The following SACS variants were observed in gnomAD, a reference collection of about 807,000 sequenced individuals.
SACS encodes sacsin.
Under a neutral mutation model 348.0 loss-of-function variants are expected in SACS, and 197 were observed. That is an observed-to-expected ratio of 0.57 (90% CI 0.50 to 0.64). The LOEUF (loss-of-function observed/expected upper bound fraction) is 0.64. Ranked by LOEUF, SACS falls within the 30% of genes least tolerant of loss-of-function variation. The pLI is 0.00. For missense variants in SACS, 4,999 were observed against 5,360.8 expected (o/e 0.93, Z 2.11); for synonymous variants, 1,985 against 1,910.6 (o/e 1.04, Z -1.02).
Position 23,339,310 on chromosome 13 carries a change from C to A in SACS, c.4566G>T (p.Leu1522Phe), listed in dbSNP as rs756798709. The change falls in exon 10 of 10, where the codon TTG (leucine) becomes TTT (phenylalanine). Residue 1522 changes from leucine (L) to phenylalanine (F), a missense_variant. Physicochemically the swap from Leu to Phe is conservative, Grantham distance 22. Coordinates refer to ENST00000382292, the MANE Select transcript of SACS (RefSeq NM_014363.6). ...PGMAACHGPA[L>F]WSFNNSQFSD... The stretch of plus-strand genomic sequence containing the variant: ...AGAATTGAGAATTGTTGAATGACCA[C>A]AAAGCAGGTCCATGACAAGCTGCCA... The A allele has an allele frequency of 1.9e-6, 3 of 1,611,354 alleles. No individual in the cohort carries two copies. Among genetic ancestry groups the A allele is most frequent in the Non-Finnish European group, 2.5e-6 (3 of 1,178,900 alleles).
intron 1 of SACS, among the ~76,000 whole-genome samples, chr13:23,422,040 TTATCTAAG>T (rs1873970211): frequency 6.6e-6 from 1 of 152,182 alleles, no homozygotes; most frequent in Non-Finnish European, 1.5e-5. Context: ...CTATGGTGTA[TTATCTAAG>T]TATCTAAGTA....
intron 2 of SACS, among the ~76,000 whole-genome samples, chr13:23,408,980 T>C (rs1040213123): frequency 6.8e-6 from 1 of 147,888 alleles, no homozygotes; most frequent in Non-Finnish European, 1.5e-5. Context: ...TAAAAAAGAA[T>C]TGTTTTTCCC....
Position 23,338,896 on chromosome 13 carries a change from A to G in SACS, c.4980T>C (p.Ser1660=), listed in dbSNP as rs1868923331. The G allele has an allele frequency of 1.2e-6, 2 of 1,613,262 alleles. No individual in the cohort carries two copies. Among genetic ancestry groups the G allele is most frequent in the African/African-American group, 1.3e-5 (1 of 75,034 alleles). Residue 1660 remains serine (S), a synonymous_variant, in exon 10 of 10, where the codon AGT becomes AGC. Coordinates refer to ENST00000382292, the MANE Select transcript of SACS (RefSeq NM_014363.6). ...TQQEAKVSEV[S]STCYNTADIY... ...TATCTGCTGTATTGTAGCACGTACT[A>G]CTAACTTCACTCACTTTTGCTTCCT...
intron 2 of SACS, among the ~76,000 whole-genome samples, chr13:23,407,726 C>T (rs912870660): frequency 5.3e-5 from 8 of 152,270 alleles, no homozygotes; most frequent in African/African-American, 1.9e-4. Flanking sequence ...CAGGCTCCCC[C>T]ACGCCCTCTT....
chr13:23,373,364 G>C (rs2709234), intron 3 of SACS: 134,159 of 152,614 alleles, frequency 0.88, 59,037 homozygotes, highest in East Asian at 1. Context: ...AGCACCCGGT[G>C]CAGCAGCACA....
At chr13:23,349,092 C>A (rs916996586) in intron 9 of SACS, among the ~76,000 whole-genome samples, 1 of 152,226 alleles carries the variant, frequency 6.6e-6, no homozygotes, top group Non-Finnish European at 1.5e-5. Flanking sequence ...CTGATAGATT[C>A]AATGTCCACT....
In SACS at chr13:23,334,365, G is replaced by A. The variant is rs1308109181; in HGVS notation, c.9511C>T (p.Pro3171Ser). The change falls in exon 10 of 10, where the codon CCC (proline) becomes TCC (serine). Residue 3171 changes from proline (P) to serine (S), a missense_variant. This residue lies in a region of SACS where 734 missense variants were observed against 694.0 expected (regional missense o/e 1.06). Coordinates refer to ENST00000382292, the MANE Select transcript of SACS (RefSeq NM_014363.6). Reference protein sequence around the residue: ...SVLQTFDAKRPKFLTTYHELI... With the variant: ...SVLQTFDAKRSKFLTTYHELI... The stretch of plus-strand genomic sequence containing the variant: ...TCATGATATGTTGTTAGAAACTTGG[G>A]TCGTTTTGCATCAAAAGTTTGCAAA... 6.2e-7 allele frequency: 1 copy of A among 1,612,392 alleles called. No individual in the cohort carries two copies. The highest frequency in any genetic ancestry group is 1.1e-5 in the South Asian group (1 of 90,838).
At chr13:23,415,420 T>C (rs977571424) in intron 1 of SACS, among the ~76,000 whole-genome samples, 3 of 152,188 alleles carry the variant, frequency 2.0e-5, no homozygotes, top group African/African-American at 7.2e-5. Flanking sequence ...TCCTGGAAAC[T>C]TAGAACGTTT....
At chr13:23,388,664 G>GTT (rs1397859430) in intron 2 of SACS, among the ~76,000 whole-genome samples, 2 of 139,934 alleles carry the variant, frequency 1.4e-5, no homozygotes, top group East Asian at 4.6e-4. Flanking sequence ...TCACTTATAA[G>GTT]TAGGAGCTAA....
intron 1 of SACS, among the ~76,000 whole-genome samples, chr13:23,421,955 C>T (rs1011412317): frequency 2.0e-5 from 3 of 151,624 alleles, no homozygotes; most frequent in Non-Finnish European, 2.9e-5. Flanking sequence ...CAGACATGCA[C>T]CGAGATGCCT....
intron 3 of SACS, among the ~76,000 whole-genome samples, chr13:23,371,384 T>C (rs1485202256): frequency 1.3e-5 from 2 of 152,176 alleles, no homozygotes; most frequent in African/African-American, 4.8e-5. Flanking sequence ...TAATTACAAA[T>C]AGATAAAAAT....
Position 23,353,938 on chromosome 13 carries a change from AC to A in SACS, c.2094-63del, listed in dbSNP as rs113268445. On this transcript the variant is annotated intron_variant, in intron 8 of 9. Transcript: ENST00000382292. ...CCCACAATTCCAAGATTTTAAAAAA[AC>A]AATCACATATTTTCAAGTCAGTTAA... The A allele has an allele frequency of 3.0e-3, 2,953 of 986,788 alleles. 50 individuals carry two copies. The African/African-American group carries it at 0.039, about 13-fold the overall frequency. The allele number at this position is 986,788 out of a possible 1,614,324, so 61.1% of individuals were successfully genotyped here.
chr13:23,352,501 A>C (rs1488642100), intron 9 of SACS, among the ~76,000 whole-genome samples: 1 of 152,226 alleles, frequency 6.6e-6, no homozygotes. Flanking sequence ...ATCTTCTGGT[A>C]ATCTTCTGCG....
Position 23,331,753 on chromosome 13 carries a change from T to C in SACS, c.12123A>G (p.Leu4041=), listed in dbSNP as rs1217968834. The C allele has an allele frequency of 1.2e-6, 2 of 1,614,010 alleles. No homozygotes were observed. Among genetic ancestry groups the C allele is most frequent in the Admixed American group, 1.7e-5 (1 of 60,020 alleles). The change falls in exon 10 of 10, where the codon CTA becomes CTG. Residue 4041 remains leucine (L), a synonymous_variant. Transcript: ENST00000382292. Reference sequence around the variant, plus strand: ...AGCAGGATACTTTCAATCCTTCTCTTAGGGCTTTGCAAAGTCTTATGGCTT... The same window carrying C: ...AGCAGGATACTTTCAATCCTTCTCTCAGGGCTTTGCAAAGTCTTATGGCTT... ...EEKAIRLCKA[L]REGLKVSCFE... is the part of the protein sequence containing the mutation.
chr13:23,340,731 A>G lies in SACS; in HGVS notation c.3145T>C (p.Ser1049Pro). The G allele has an allele frequency of 6.2e-7, 1 of 1,601,338 alleles. No homozygotes were observed. The highest frequency in any genetic ancestry group is 8.5e-7 in the Non-Finnish European group (1 of 1,174,948). Residue 1049 changes from serine to proline, a missense_variant, in exon 10 of 10, where the codon TCA becomes CCA. Around this residue, in one of 6 missense-constraint regions of SACS, gnomAD observed 3,156 missense variants for 3,380.1 expected, o/e 0.93. Coordinates refer to ENST00000382292, the MANE Select transcript of SACS (RefSeq NM_014363.6). The stretch of plus-strand genomic sequence containing the variant: ...TCAGGGTCAAAGAGTTCACCAGCTG[A>G]TACCATCTGTTCCTGTGATATCTGG... ...FIQISQEQMV[S>P]AGELFDPDIE... is the part of the protein sequence containing the mutation.
Position 23,375,199 on chromosome 13 carries a change from C to G in SACS, c.91G>C (p.Val31Leu). ...AAGATACGTTCCTTCACATCGCGCA[C>G]GGTCCAGGACGCCAGCGCCGCGACG... ...RTVAALASWT[V>L]RDVKERIFAE... is the part of the protein sequence containing the mutation. The change falls in exon 3 of 10, where the codon GTG becomes CTG. Residue 31 changes from valine (V) to leucine (L), a missense_variant. Physicochemically the swap from Val to Leu is conservative, Grantham distance 32 (BLOSUM62 1). This residue lies in a region of SACS where 3,156 missense variants were observed against 3,380.1 expected (regional missense o/e 0.93). Coordinates refer to ENST00000382292, the MANE Select transcript of SACS (RefSeq NM_014363.6). 6.7e-7 allele frequency: 1 copy of G among 1,500,232 alleles called. No homozygotes were observed. The highest frequency in any genetic ancestry group is 2.9e-5 in the East Asian group (1 of 34,106). The allele number at this position is 1,500,232 out of a possible 1,614,324, so 92.9% of individuals were successfully genotyped here. A position where few individuals can be genotyped will look rare whatever the true frequency, so the allele number is the denominator to read the frequency against.
intron 2 of SACS, among the ~76,000 whole-genome samples, chr13:23,393,052 TAGTTGGGTGCAGGGC>T (rs1872588968): frequency 3.3e-5 from 5 of 151,862 alleles, no homozygotes; most frequent in Admixed American, 3.3e-4. Flanking sequence ...GCTCACAGGG[TAGTTGGGTGCAGGGC>T]AGTAACGTCT....
chr13:23,350,572 T>C (rs768384479), intron 9 of SACS, among the ~76,000 whole-genome samples: 5 of 152,178 alleles, frequency 3.3e-5, no homozygotes, highest in Non-Finnish European at 7.3e-5. Flanking sequence ...AGAAAAAACA[T>C]ATGATGTTTC....
chr13:23,341,766 A>G (rs1869254116), intron 9 of SACS, 76 bp from the exon 10 acceptor site: 1 of 858,034 alleles, frequency 1.2e-6, no homozygotes, highest in Non-Finnish European at 1.8e-6. Context: ...CAAATAACAC[A>G]GTACTGGAAG....
Sources: allele counts gnomAD v4.1 joint callset (sites outside exome capture counted in the v4.1 genomes callset), GRCh38; gene constraint gnomAD v4.1.1; regional missense constraint gnomAD v4.1.1; transcripts MANE v1.5; gene names NCBI Gene and HGNC (gene_info 2026-07-23, HGNC 2026-07-21).